Variants in MMD observed in about 807,000 individuals in gnomAD.
MMD encodes the protein monocyte to macrophage differentiation factor.
Under a neutral mutation model 33.6 loss-of-function variants are expected in MMD, and 22 were observed. The observed-to-expected ratio is 0.66, with a 90% CI of 0.47 to 0.94. The LOEUF (loss-of-function observed/expected upper bound fraction) is 0.94. MMD is among the 40% of genes least tolerant of loss of function. MMD has a pLI of 0.00. For missense variants in MMD, 242 were observed against 309.8 expected (o/e 0.78, Z 1.64); for synonymous variants, 97 against 103.2 (o/e 0.94, Z 0.36).
intron 6 of MMD, among the ~76,000 whole-genome samples, chr17:55,395,114 T>C (rs1018551180): frequency 6.6e-6 from 1 of 152,250 alleles, no homozygotes; most frequent in Non-Finnish European, 1.5e-5. Context: ...AGATATTTCC[T>C]AGCCTTCTAG....
intron 2 of MMD, among the ~76,000 whole-genome samples, chr17:55,412,328 A>G (rs1907797323): frequency 6.6e-6 from 1 of 152,196 alleles, no homozygotes; most frequent in African/African-American, 2.4e-5. Context: ...TTTTGGGGTC[A>G]CTTCATTTTT....
chr17:55,414,756 C>T (rs904673190), intron 1 of MMD, among the ~76,000 whole-genome samples: 3 of 152,128 alleles, frequency 2.0e-5, no homozygotes, highest in African/African-American at 4.8e-5. Context: ...CCATGATTAA[C>T]AGGCCTGTCC....
chr17:55,401,365 A>C, intron 6 of MMD, 104 bp downstream of exon 6: 1 of 983,526 alleles, frequency 1.0e-6, no homozygotes, highest in South Asian at 1.9e-5. Flanking sequence ...GCCTCTATTT[A>C]ATGGACATAA....
chr17:55,407,946 C>T (rs1484791773), intron 3 of MMD, 126 bp from the exon 4 acceptor site: 2 of 612,156 alleles, frequency 3.3e-6, no homozygotes, highest in Non-Finnish European at 5.3e-6. Context: ...CTTGTTCTTC[C>T]AAGGTTACAC....
At chr17:55,399,251 A>G (rs1479959205) in intron 6 of MMD, among the ~76,000 whole-genome samples, 2 of 152,324 alleles carry the variant, frequency 1.3e-5, no homozygotes, top group East Asian at 1.9e-4. Flanking sequence ...AGAGCCAAAA[A>G]AACAGTTGCC....
At position 55,394,525 on chromosome 17, in the gene MMD, C is replaced by G. The variant is rs201100284; in HGVS notation, c.526G>C (p.Asp176His). 7 of 1,498,824 alleles carry G rather than the reference C, an allele frequency of 4.7e-6. No individual in the cohort carries two copies. Among genetic ancestry groups the G allele is most frequent in the Non-Finnish European group, 5.3e-6 (6 of 1,129,636 alleles). The allele number at this position is 1,498,824 out of a possible 1,614,324, so 92.8% of individuals were successfully genotyped here. A position where few individuals can be genotyped will look rare whatever the true frequency, so the allele number is the denominator to read the frequency against. The change falls in exon 7 of 7, where the codon GAT becomes CAT. Residue 176 changes from aspartate to histidine, a missense_variant. Transcript: ENST00000262065. ...CCACAGGCAAGTTCCTGAAGTCCAT[C>G]GGTGTTGTTCTGTCAACAGAGAAAA... The part of the protein sequence containing the change: ...ALVVTSMNNT[D>H]GLQELACGGL...
chr17:55,421,825 A>T lies in MMD; in HGVS notation c.-130T>A. On this transcript the variant is annotated 5_prime_UTR_variant, in exon 1 of 7. Coordinates refer to ENST00000262065, the MANE Select transcript of MMD (RefSeq NM_012329.3). ...GTCCAGCGGAACCCTTCGGCCGGGT[A>T]GGGTCGGAGTGGGCCAGGCCGGGGG... 1 of 900,030 alleles carries T rather than the reference A, an allele frequency of 1.1e-6. No individual in the cohort carries two copies. 55.8% of individuals were successfully genotyped at this position (900,030 alleles called of 1,614,324 possible).
chr17:55,397,303 A>G (rs1907138230), intron 6 of MMD, among the ~76,000 whole-genome samples: 1 of 151,816 alleles, frequency 6.6e-6, no homozygotes, highest in Non-Finnish European at 1.5e-5. Context: ...CTGGGACTAC[A>G]GGTGCCCACC....
intron 4 of MMD, chr17:55,404,366 G>A: frequency 1.4e-6 from 1 of 710,214 alleles, no homozygotes; most frequent in Non-Finnish European, 1.7e-6. Context: ...AAAAAAAAAA[G>A]AATTAGTTTC....
At chr17:55,399,889 A>C (rs1907259268) in intron 6 of MMD, among the ~76,000 whole-genome samples, 2 of 152,234 alleles carry the variant, frequency 1.3e-5, no homozygotes, top group South Asian at 4.1e-4. Flanking sequence ...TAGTAAAATT[A>C]CTGGATAAAC....
In MMD at chr17:55,421,700, C is replaced by T. The variant is rs1908197866; in HGVS notation, c.-5G>A. Reference sequence around the variant, plus strand: ...GAATCGATTCTTGAACCGCATTGATCCTCTGCTCCTCCTCGGGGGCCAGGA... The same window carrying T: ...GAATCGATTCTTGAACCGCATTGATTCTCTGCTCCTCCTCGGGGGCCAGGA... On this transcript the variant is annotated 5_prime_UTR_variant, in exon 1 of 7. Transcript: ENST00000262065. 8.2e-6 allele frequency: 13 copies of T among 1,588,740 alleles called. No homozygotes were observed. The highest frequency in any genetic ancestry group is 1.1e-5 in the Non-Finnish European group (13 of 1,169,000).
chr17:55,402,087 C>CAAAAAAAAAA (rs55724383), intron 5 of MMD, among the ~76,000 whole-genome samples: 1 of 92,052 alleles, frequency 1.1e-5, no homozygotes, highest in Non-Finnish European at 2.1e-5. Context: ...GACTCAGTCT[C>CAAAAAAAAAA]AAAAAAAAAA....
intron 6 of MMD, among the ~76,000 whole-genome samples, chr17:55,399,909 T>C (rs1036297447): frequency 1.5e-4 from 23 of 152,186 alleles, no homozygotes; most frequent in African/African-American, 5.3e-4. Context: ...CCTGCTCTTA[T>C]GATACCCAGA....
rs1487834203 is a variant in MMD at position 55,394,135 on chromosome 17, T to C, written c.*199A>G. Reference sequence around the variant, plus strand: ...CATGATAGTGGAATGGAATGAATAATTAATTCACTACCTTATTTATTTGCT... The same window carrying C: ...CATGATAGTGGAATGGAATGAATAACTAATTCACTACCTTATTTATTTGCT... On this transcript the variant is annotated 3_prime_UTR_variant, in exon 7 of 7. Transcript: ENST00000262065. The C allele has an allele frequency of 3.0e-5, 12 of 396,976 alleles. No individual in the cohort carries two copies. Among genetic ancestry groups the C allele is most frequent in the Non-Finnish European group, 5.3e-5 (12 of 228,544 alleles). The allele number at this position is 396,976 out of a possible 1,614,324, so 24.6% of individuals were successfully genotyped here.
intron 4 of MMD, chr17:55,404,614 T>C (rs1598431531): frequency 3.0e-6 from 3 of 985,354 alleles, no homozygotes; most frequent in Non-Finnish European, 3.6e-6. Flanking sequence ...ACCAAGTGTG[T>C]CTCCATTATC....
intron 6 of MMD, among the ~76,000 whole-genome samples, chr17:55,394,855 A>G (rs1379741512): frequency 6.6e-6 from 1 of 152,250 alleles, no homozygotes; most frequent in African/African-American, 2.4e-5. Flanking sequence ...ATTTTAATAA[A>G]GTGCAATCCT....
At chr17:55,411,551 A>G in intron 2 of MMD, 134 bp from the exon 3 acceptor site, 3 of 1,126,264 alleles carry the variant, frequency 2.7e-6, no homozygotes, top group Non-Finnish European at 3.7e-6. Flanking sequence ...TCTCTCCTGG[A>G]TAATCATAAC....
chr17:55,401,191 G>A (rs979837680), intron 6 of MMD, among the ~76,000 whole-genome samples: 8 of 152,042 alleles, frequency 5.3e-5, no homozygotes, highest in Admixed American at 2.0e-4. Context: ...ACAGGGTCTC[G>A]CTCTGTTCCT....
intron 2 of MMD, among the ~76,000 whole-genome samples, chr17:55,412,121 A>T (rs1907790525): frequency 6.6e-6 from 1 of 152,248 alleles, no homozygotes; most frequent in African/African-American, 2.4e-5. Context: ...GGAGGTCCTC[A>T]TTTTAAAATA....
Sources: gnomAD v4.1 joint callset for allele counts (sites outside exome capture counted in the v4.1 genomes callset) on GRCh38, gnomAD v4.1.1 for gene constraint, MANE v1.5 for transcripts, NCBI Gene and HGNC (gene_info 2026-07-23, HGNC 2026-07-21) for gene names.